Variants in CCDC77 observed in about 807,000 individuals in gnomAD.
CCDC77 encodes the protein coiled-coil domain-containing protein 77.
A neutral mutation model predicts 66.8 loss-of-function variants in CCDC77; 56 were observed. The observed-to-expected ratio is 0.84, with a 90% CI of 0.68 to 1.05. The LOEUF is 1.05. Among genes scored for constraint, CCDC77 ranks in the 50% least tolerant of loss-of-function variants. The pLI, the probability that CCDC77 is intolerant of heterozygous loss-of-function variation, is 0.00. For missense variants in CCDC77, 570 were observed against 576.8 expected (o/e 0.99, Z 0.12); for synonymous variants, 196 against 195.2 (o/e 1.00, Z -0.03).
At chr12:416,867 GGAGGCC>G (rs1234868761) in intron 4 of CCDC77, among the ~76,000 whole-genome samples, 1 of 150,240 alleles carries the variant, frequency 6.7e-6, no homozygotes, top group African/African-American at 2.4e-5. Context: ...CAGCACTTTG[GGAGGCC>G]GAGGCCGGCG....
chr12:426,748 T>G (rs1236758375), intron 5 of CCDC77, among the ~76,000 whole-genome samples: 3 of 152,162 alleles, frequency 2.0e-5, no homozygotes, highest in Non-Finnish European at 4.4e-5. Context: ...ATGATGATGC[T>G]TCACGTTATC....
intron 7 of CCDC77, 69 bp downstream of exon 7, chr12:430,805 G>A (rs777084215): frequency 1.6e-4 from 207 of 1,288,678 alleles, no homozygotes; most frequent in Non-Finnish European, 2.1e-4. Flanking sequence ...CAGGCTGGGC[G>A]CGGTGGCTCA....
chr12:414,123 A>ATTTGTTTTTTT (rs1945175383), intron 4 of CCDC77, among the ~76,000 whole-genome samples: 1 of 137,628 alleles, frequency 7.3e-6, no homozygotes. Context: ...ACGGAGTCTC[A>ATTTGTTTTTTT]CCCTGTCTGC....
rs2286607 is a variant in CCDC77 at position 441,730 on chromosome 12, A to G, written c.1321-44A>G. ...TTGACTGATATCGCTCCCCTGGCAT[A>G]TGCCATCATCATTTCTTTTTTTTTT... On this transcript the variant is annotated intron_variant, in intron 12 of 12. Coordinates refer to ENST00000239830, the MANE Select transcript of CCDC77 (RefSeq NM_032358.4). The G allele has an allele frequency of 0.01, 16,070 of 1,576,140 alleles. 1,001 individuals are homozygous for G. In the African/African-American group the frequency reaches 0.16, roughly 16 times the overall value.
At chr12:411,234 C>T (rs1434424734) in intron 3 of CCDC77, among the ~76,000 whole-genome samples, 2 of 151,726 alleles carry the variant, frequency 1.3e-5, no homozygotes, top group Non-Finnish European at 2.9e-5. Flanking sequence ...AGTGCAATGG[C>T]ATGATCTCGA....
At chr12:412,480 T>C (rs1945132227) in intron 4 of CCDC77, among the ~76,000 whole-genome samples, 1 of 152,218 alleles carries the variant, frequency 6.6e-6, no homozygotes. Flanking sequence ...ACCTCGGCAT[T>C]ATTGACATTT....
chr12:437,370 A>G (rs1355948527), intron 9 of CCDC77, among the ~76,000 whole-genome samples: 1 of 152,202 alleles, frequency 6.6e-6, no homozygotes, highest in Non-Finnish European at 1.5e-5. Context: ...ATAATAAATA[A>G]GGTATATGCT....
At chr12:428,713 A>T in intron 5 of CCDC77, 56 bp from the exon 6 acceptor site, 1 of 1,185,384 alleles carries the variant, frequency 8.4e-7, no homozygotes, top group Admixed American at 2.3e-5. Flanking sequence ...AAACAGAAAA[A>T]GGTTACTTAC....
intron 9 of CCDC77, among the ~76,000 whole-genome samples, chr12:434,747 C>G (rs1378154049): frequency 6.6e-6 from 1 of 152,210 alleles, no homozygotes; most frequent in Non-Finnish European, 1.5e-5. Context: ...ATCAGCCCCT[C>G]CTTGTAATTC....
chr12:434,271 A>G (rs73590307), intron 9 of CCDC77, among the ~76,000 whole-genome samples: 3,624 of 151,926 alleles, frequency 0.024, 137 homozygotes, highest in African/African-American at 0.082. Flanking sequence ...ACCTGTCTGC[A>G]GTCTGACTTC....
chr12:405,341 A>G (rs570462541), intron 1 of CCDC77, among the ~76,000 whole-genome samples, 170 bp from the exon 2 acceptor site: 2 of 152,262 alleles, frequency 1.3e-5, no homozygotes, highest in Non-Finnish European at 2.9e-5. Context: ...CGAAACTTCT[A>G]GAATGGACTG....
chr12:398,397 G>GT (rs2137526030), upstream of CCDC77, among the ~76,000 whole-genome samples: 1 of 151,264 alleles, frequency 6.6e-6, no homozygotes, highest in East Asian at 1.9e-4. Context: ...TTCATCCATA[G>GT]TTTCATCATG....
Position 427,789 on chromosome 12 carries a change from C to T in CCDC77, c.414-980C>T, listed in dbSNP as rs180678149. On this transcript the variant is annotated intron_variant, in intron 5 of 12. Transcript: ENST00000239830. ...CACCCGGCCCGAAATCCCTTTTTAGCGTTTGCTTCCTTGGCCCAGTCCAGA... is the reference window on the plus strand; with the variant it reads ...CACCCGGCCCGAAATCCCTTTTTAGTGTTTGCTTCCTTGGCCCAGTCCAGA... 2.0e-3 allele frequency among the ~76,000 whole-genome samples: 301 copies of T among 152,132 alleles called. 1 individual carries two copies. Among genetic ancestry groups the T allele is most frequent in the African/African-American group, 6.8e-3 (282 of 41,510 alleles).
At chr12:395,800 A>G (rs1026228311) in intron 1 of CCDC77, among the ~76,000 whole-genome samples, 16 of 152,100 alleles carry the variant, frequency 1.1e-4, no homozygotes, top group African/African-American at 3.9e-4. Flanking sequence ...AGGCTAAGGC[A>G]AGAGAATCGC....
At chr12:426,099 G>A (rs769552041) in intron 5 of CCDC77, among the ~76,000 whole-genome samples, 2 of 152,128 alleles carry the variant, frequency 1.3e-5, no homozygotes, top group Non-Finnish European at 2.9e-5. Flanking sequence ...TCCCGACCTC[G>A]TGGTCCACCC....
At chr12:423,477 G>GTTTTTTTTTTTTTTT (rs1565572179) in intron 5 of CCDC77, among the ~76,000 whole-genome samples, 14 of 24,942 alleles carry the variant, frequency 5.6e-4, no homozygotes, top group African/African-American at 6.8e-4. Context: ...TGTGTTTTTT[G>GTTTTTTTTTTTTTTT]TGTTTTTTTT....
upstream of CCDC77, among the ~76,000 whole-genome samples, chr12:399,030 G>A (rs1186500644): frequency 1.3e-5 from 2 of 151,882 alleles, no homozygotes; most frequent in Admixed American, 6.6e-5. Flanking sequence ...GGGTTTACAG[G>A]TGTGAGACAT....
Position 433,335 on chromosome 12 carries a change from GA to G in CCDC77, c.821+16del, listed in dbSNP as rs776937628. The G allele has an allele frequency of 3.8e-4, 619 of 1,613,466 alleles. No homozygotes were observed. The highest frequency in any genetic ancestry group is 4.8e-4 in the Non-Finnish European group (568 of 1,179,832). On this transcript the variant is annotated intron_variant, in intron 9 of 12. Transcript: ENST00000239830. ...AGCTAACCAAAAAGTGAGTGTCTAA[GA>G]AAGCTGTACCTAACGGGTATTGTAT...
rs199553690 is a variant in CCDC77, at chr12:418,578, T to A, written c.355T>A (p.Phe119Ile). Residue 119 changes from phenylalanine to isoleucine, a missense_variant, in exon 5 of 13, where the codon TTC becomes ATC. Transcript: ENST00000239830. ...TCTAAGTGATATGCAGGTCTGCCTC[T>A]TCCAGGAACGGGAACATGTTTTACG... ...KALSDMQVCL[F>I]QEREHVLRLY... 1.1e-5 allele frequency: 18 copies of A among 1,614,022 alleles called. No homozygotes were observed. Among genetic ancestry groups the A allele is most frequent in the Non-Finnish European group, 1.4e-5 (17 of 1,179,988 alleles).
Sources: allele counts gnomAD v4.1 joint callset (sites outside exome capture counted in the v4.1 genomes callset), GRCh38; gene constraint gnomAD v4.1.1; transcripts MANE v1.5; gene names NCBI Gene and HGNC (gene_info 2026-07-23, HGNC 2026-07-21).